VRK2: variants seen among roughly 807,000 people sequenced by gnomAD.
VRK2 encodes VRK serine/threonine kinase 2.
In VRK2, 60 loss-of-function variants were observed where a neutral mutation model predicts 57.6. That is an observed-to-expected ratio of 1.04 (90% CI 0.85 to 1.29). The LOEUF is 1.29. Ranked by LOEUF, VRK2 falls within the 50% of genes most tolerant of loss-of-function variation. The pLI, the probability that VRK2 is intolerant of heterozygous loss-of-function variation, is 0.00. For synonymous variants in VRK2, 231 were observed against 199.2 expected, an observed-to-expected ratio of 1.16 and a Z score of -1.35; for missense variants, 705 against 588.1, an observed-to-expected ratio of 1.20 and a Z score of -2.06.
intron 12 of VRK2, among the ~76,000 whole-genome samples, chr2:58,148,660 A>C (rs1682530366): frequency 6.6e-6 from 1 of 151,842 alleles, no homozygotes; most frequent in African/African-American, 2.4e-5. Context: ...TTTAGCTTTC[A>C]TTGTTGGTTC....
At chr2:58,133,024 T>C (rs900548207) in intron 9 of VRK2, among the ~76,000 whole-genome samples, 4 of 152,186 alleles carry the variant, frequency 2.6e-5, no homozygotes, top group African/African-American at 9.6e-5. Flanking sequence ...AAACAGTTTT[T>C]GTATTTAATT....
At chr2:58,115,528 C>G (rs1676308828) in intron 7 of VRK2, among the ~76,000 whole-genome samples, 1 of 145,124 alleles carries the variant, frequency 6.9e-6, no homozygotes, top group South Asian at 2.2e-4. Flanking sequence ...GAGGGCTAGG[C>G]TAAGACAGTA....
At chr2:58,082,010 A>G (rs1670951377) in intron 2 of VRK2, among the ~76,000 whole-genome samples, 2 of 151,746 alleles carry the variant, frequency 1.3e-5, no homozygotes, top group Admixed American at 6.6e-5. Flanking sequence ...GGTAACCAGA[A>G]CAATCTCTTT....
At chr2:58,088,081 A>G (rs1477012387) in intron 5 of VRK2, among the ~76,000 whole-genome samples, 1 of 152,230 alleles carries the variant, frequency 6.6e-6, no homozygotes, top group Non-Finnish European at 1.5e-5. Context: ...TATCTAATTT[A>G]GAAAGATTTT....
At chr2:58,155,717 C>G (rs902255874) in intron 12 of VRK2, among the ~76,000 whole-genome samples, 2 of 151,524 alleles carry the variant, frequency 1.3e-5, no homozygotes, top group African/African-American at 4.9e-5. Flanking sequence ...TGTACCCTCC[C>G]TCTTCACCCC....
upstream of VRK2, among the ~76,000 whole-genome samples, chr2:58,043,754 G>A (rs1402103198): frequency 1.3e-5 from 2 of 152,170 alleles, no homozygotes; most frequent in East Asian, 1.9e-4. Flanking sequence ...GTAAATATGC[G>A]AATGCTGGGT....
chr2:58,129,138 C>T (rs1678798607), intron 8 of VRK2, among the ~76,000 whole-genome samples: 1 of 152,080 alleles, frequency 6.6e-6, no homozygotes, highest in African/African-American at 2.4e-5. Context: ...GTTTAGAAAT[C>T]TAAACTAAAT....
At chr2:58,036,611 C>T (rs1674282243) in intron 3 of VRK2, among the ~76,000 whole-genome samples, 1 of 151,876 alleles carries the variant, frequency 6.6e-6, no homozygotes, top group Non-Finnish European at 1.5e-5. Context: ...TACAGAAATA[C>T]TATGTAAAAC....
chr2:57,928,639 T>C (rs183398726), intron 1 of VRK2, among the ~76,000 whole-genome samples: 8 of 152,306 alleles, frequency 5.3e-5, no homozygotes, highest in Admixed American at 4.6e-4. Context: ...ATATTTATTG[T>C]AGTCTTCACA....
intron 1 of VRK2, among the ~76,000 whole-genome samples, chr2:57,948,882 G>A (rs894563273): frequency 6.6e-6 from 1 of 152,082 alleles, no homozygotes; most frequent in Admixed American, 6.6e-5. Context: ...AAGTTAAGCG[G>A]AAAAGGGTAG....
intron 5 of VRK2, among the ~76,000 whole-genome samples, chr2:58,087,358 A>G (rs1056178992): frequency 3.3e-5 from 5 of 152,200 alleles, no homozygotes; most frequent in Non-Finnish European, 5.9e-5. Flanking sequence ...TTGAATCATG[A>G]TACATCCATA....
rs182199880 is a variant in VRK2, at chr2:58,135,348, A to G, written c.856+149A>G. On this transcript the variant is annotated intron_variant, in intron 10 of 12. Transcript: ENST00000340157. ...CTCTTCATGTTGCAAATAAGTTGCT[A>G]AAGAACACAATGTTTAAATCATCTT... The G allele has an allele frequency of 2.7e-5, 20 of 743,568 alleles. No individual in the cohort carries two copies. The Admixed American group carries it at 5.1e-4, about 19-fold the overall frequency. The allele number at this position is 743,568 out of a possible 1,614,324, so 46.1% of individuals were successfully genotyped here.
chr2:58,083,894 T>C (rs1246210472), intron 2 of VRK2, among the ~76,000 whole-genome samples, 195 bp from the exon 3 acceptor site: 1 of 151,884 alleles, frequency 6.6e-6, no homozygotes, highest in Non-Finnish European at 1.5e-5. Flanking sequence ...TAGTGAGCAA[T>C]TTATTCAACG....
At chr2:58,023,771 T>G (rs991386299) in intron 1 of VRK2, among the ~76,000 whole-genome samples, 1 of 152,044 alleles carries the variant, frequency 6.6e-6, no homozygotes, top group African/African-American at 2.4e-5. Flanking sequence ...AAGATATGTA[T>G]GAAAAAATTA....
chr2:58,026,708 T>G (rs1447864109), intron 2 of VRK2: 1 of 151,986 alleles, frequency 6.6e-6, no homozygotes, highest in Non-Finnish European at 1.5e-5. Context: ...ACTTTAGCAG[T>G]TTTTTTGTTT....
At chr2:58,018,266 T>C (rs1472274675) in intron 1 of VRK2, among the ~76,000 whole-genome samples, 1 of 152,208 alleles carries the variant, frequency 6.6e-6, no homozygotes, top group Non-Finnish European at 1.5e-5. Context: ...ATGCTGAGAT[T>C]ACAGGCATTA....
intron 2 of VRK2, among the ~76,000 whole-genome samples, chr2:58,066,229 T>G (rs1668589515): frequency 6.6e-6 from 1 of 152,206 alleles, no homozygotes; most frequent in African/African-American, 2.4e-5. Context: ...AGTGTGATGT[T>G]AACTGTAGGT....
At chr2:58,010,171 C>G (rs931009194) in intron 1 of VRK2, among the ~76,000 whole-genome samples, 1 of 152,154 alleles carries the variant, frequency 6.6e-6, no homozygotes, top group Admixed American at 6.5e-5. Context: ...ATCAGACTGT[C>G]TGGGTTCAAA....
intron 7 of VRK2, among the ~76,000 whole-genome samples, chr2:58,110,675 C>A (rs1490748435): frequency 6.6e-6 from 1 of 152,036 alleles, no homozygotes; most frequent in Non-Finnish European, 1.5e-5. Flanking sequence ...AAATCTAATG[C>A]CCATGTAAGA....
Sources: allele counts gnomAD v4.1 joint callset (sites outside exome capture counted in the v4.1 genomes callset), GRCh38; gene constraint gnomAD v4.1.1; transcripts MANE v1.5; gene names NCBI Gene and HGNC (gene_info 2026-07-23, HGNC 2026-07-21).